The following TSHZ2 variants were observed in gnomAD, a reference collection of about 807,000 sequenced individuals.
TSHZ2 encodes teashirt zinc finger homeobox 2.
Under a neutral mutation model 74.4 loss-of-function variants are expected in TSHZ2, and 21 were observed. The observed-to-expected ratio is 0.28, with a 90% CI of 0.20 to 0.41. The LOEUF is 0.41. TSHZ2 is among the 10% of genes least tolerant of loss of function. The pLI is 1.00. For missense variants in TSHZ2, 1,244 were observed against 1,293.5 expected, an observed-to-expected ratio of 0.96 and a Z score of 0.59; for synonymous variants, 540 against 515.3, an observed-to-expected ratio of 1.05 and a Z score of -0.65.
intron 1 of TSHZ2, among the ~76,000 whole-genome samples, chr20:53,226,815 A>G (rs1175094271): frequency 1.3e-5 from 2 of 152,224 alleles, no homozygotes; most frequent in African/African-American, 4.8e-5. Context: ...GTTGGAGACA[A>G]AAATGACTCC....
At chr20:53,144,322 T>C (rs1250440597) in intron 1 of TSHZ2, among the ~76,000 whole-genome samples, 7 of 152,208 alleles carry the variant, frequency 4.6e-5, no homozygotes, top group South Asian at 2.1e-4. Flanking sequence ...AGGGCTGTTA[T>C]CGTCTTTATT....
chr20:53,215,954 G>C (rs891714382), intron 1 of TSHZ2, among the ~76,000 whole-genome samples: 4 of 152,088 alleles, frequency 2.6e-5, no homozygotes, highest in Non-Finnish European at 5.9e-5. Flanking sequence ...CTTTCTCCTA[G>C]GGTTGAGCTC....
At chr20:53,419,389 GTATGTGTTAATAATAATAA>G (rs1260247077) in intron 2 of TSHZ2, among the ~76,000 whole-genome samples, 1 of 152,168 alleles carries the variant, frequency 6.6e-6, no homozygotes, top group Non-Finnish European at 1.5e-5. Context: ...GAGAGATAAG[GTATGTGTTAATAATAATAA>G]TAATGCCATC....
Position 53,004,959 on chromosome 20 carries a change from T to C in TSHZ2, c.40+31626T>C, listed in dbSNP as rs542830283. On this transcript the variant is annotated intron_variant, in intron 1 of 2. Coordinates refer to ENST00000371497, the MANE Select transcript of TSHZ2 (RefSeq NM_173485.6). ...ACCAAACAGCCAGTAAGTGATATAATAGAATCGTGGGAGTCATCCTGAACT... is the reference window on the plus strand; with the variant it reads ...ACCAAACAGCCAGTAAGTGATATAACAGAATCGTGGGAGTCATCCTGAACT... Among the ~76,000 whole-genome samples, 6 of 152,228 alleles carry C rather than the reference T, an allele frequency of 3.9e-5. No individual in the cohort carries two copies. In the South Asian group the frequency reaches 1.0e-3, roughly 26 times the overall value.
chr20:53,427,286 A>G lies in TSHZ2; in HGVS notation c.*9-59858A>G, dbSNP rs574106657. On this transcript the variant is annotated intron_variant, in intron 2 of 2. Transcript: ENST00000371497. ...TCTGAATGGATATTATGCTAGATGAAGCAGTGAGCTGTGAAATTAACCCTT... is the reference window on the plus strand; with the variant it reads ...TCTGAATGGATATTATGCTAGATGAGGCAGTGAGCTGTGAAATTAACCCTT... 9.8e-4 allele frequency among the ~76,000 whole-genome samples: 150 copies of G among 152,312 alleles called. 1 individual carries two copies. Among genetic ancestry groups the G allele is most frequent in the African/African-American group, 3.5e-3 (147 of 41,568 alleles).
chr20:53,238,892 G>C (rs1478231716), intron 1 of TSHZ2, among the ~76,000 whole-genome samples: 1 of 151,642 alleles, frequency 6.6e-6, no homozygotes, highest in Non-Finnish European at 1.5e-5. Context: ...ACATCAAGGG[G>C]GAAGGGAGGG....
At chr20:53,151,391 G>A (rs1336644537) in intron 1 of TSHZ2, among the ~76,000 whole-genome samples, 1 of 152,210 alleles carries the variant, frequency 6.6e-6, no homozygotes, top group Non-Finnish European at 1.5e-5. Flanking sequence ...GGGAGGGCTA[G>A]TGTCTATATT....
intron 1 of TSHZ2, among the ~76,000 whole-genome samples, chr20:53,001,216 G>GTGTGTGTGTGTGTGTGTATA (rs1555813568): frequency 7.7e-5 from 11 of 142,570 alleles, no homozygotes; most frequent in African/African-American, 2.5e-4. Flanking sequence ...GTGTGTGTGT[G>GTGTGTGTGTGTGTGTGTATA]TGTGTGTGTG....
At chr20:53,072,950 C>T (rs891829175) in intron 1 of TSHZ2, among the ~76,000 whole-genome samples, 22 of 135,226 alleles carry the variant, frequency 1.6e-4, no homozygotes, top group Non-Finnish European at 3.4e-4. Flanking sequence ...TCCATCCCTC[C>T]GTTCCTTCAT....
rs534528226 is a variant in TSHZ2 at position 53,237,277 on chromosome 20, T to C, written c.41-16222T>C. Among the ~76,000 whole-genome samples, 6 of 152,332 alleles carry C rather than the reference T, an allele frequency of 3.9e-5. No homozygotes were observed. In the South Asian group the frequency reaches 1.2e-3, roughly 32 times the overall value. On this transcript the variant is annotated intron_variant, in intron 1 of 2. Transcript: ENST00000371497. Reference sequence around the variant, plus strand: ...GAGGTCTCAAAATCAATGCCTCTAATTGACTTAAACAGAACAGTTTTTTGT... The same window carrying C: ...GAGGTCTCAAAATCAATGCCTCTAACTGACTTAAACAGAACAGTTTTTTGT...
intron 2 of TSHZ2, among the ~76,000 whole-genome samples, chr20:53,475,712 A>C (rs1985971175): frequency 7.1e-6 from 1 of 140,038 alleles, no homozygotes; most frequent in South Asian, 2.4e-4. Flanking sequence ...AAATTAATGA[A>C]TCCAGGAGCT....
chr20:53,019,031 A>G (rs779856711), intron 1 of TSHZ2, among the ~76,000 whole-genome samples: 6 of 152,202 alleles, frequency 3.9e-5, no homozygotes, highest in Non-Finnish European at 8.8e-5. Flanking sequence ...CAAGCTTTCT[A>G]CAAATCTAAA....
At chr20:53,336,575 C>T (rs140894806) in intron 2 of TSHZ2, among the ~76,000 whole-genome samples, 49 of 152,314 alleles carry the variant, frequency 3.2e-4, no homozygotes, top group Admixed American at 3.1e-3. Context: ...TGGGTAAGCA[C>T]AGTGAGGCCA....
At chr20:53,305,992 T>A (rs981293760) in intron 2 of TSHZ2, among the ~76,000 whole-genome samples, 8 of 134,214 alleles carry the variant, frequency 6.0e-5, no homozygotes, top group Non-Finnish European at 1.2e-4. Context: ...AAAAAAAAAA[T>A]ACGTTTGGCT....
chr20:53,352,148 T>A (rs1980666606), intron 2 of TSHZ2, among the ~76,000 whole-genome samples: 1 of 151,418 alleles, frequency 6.6e-6, no homozygotes, highest in South Asian at 2.1e-4. Flanking sequence ...ATAATGCAAG[T>A]GTGGAGCATC....
intron 1 of TSHZ2, among the ~76,000 whole-genome samples, chr20:52,979,746 G>A (rs1321574397): frequency 6.6e-6 from 1 of 152,170 alleles, no homozygotes; most frequent in Non-Finnish European, 1.5e-5. Flanking sequence ...GGATGCTAAA[G>A]TCATGCTAAA....
chr20:53,268,970 A>G (rs1990774533), intron 2 of TSHZ2, among the ~76,000 whole-genome samples: 1 of 152,162 alleles, frequency 6.6e-6, no homozygotes, highest in Non-Finnish European at 1.5e-5. Context: ...CTAAAATTCC[A>G]ACTAATAATA....
Position 53,165,586 on chromosome 20 carries a change from T to G in TSHZ2, c.41-87913T>G, listed in dbSNP as rs188107430. 8.3e-4 allele frequency among the ~76,000 whole-genome samples: 126 copies of G among 152,372 alleles called. 1 individual carries two copies. The highest frequency in any genetic ancestry group is 3.4e-3 in the Middle Eastern group (1 of 294). ...TGCTGACCAACTTCTAATGTGTCAG[T>G]GCTATACTAATGTGGTTAACTGTTT... On this transcript the variant is annotated intron_variant, in intron 1 of 2. Transcript: ENST00000371497.
chr20:53,034,790 A>G (rs1205174892), intron 1 of TSHZ2, among the ~76,000 whole-genome samples: 2 of 152,214 alleles, frequency 1.3e-5, no homozygotes, highest in African/African-American at 4.8e-5. Flanking sequence ...AGAATGGCCC[A>G]TGGTAAAGTC....
Sources: allele counts gnomAD v4.1 joint callset (sites outside exome capture counted in the v4.1 genomes callset), GRCh38; gene constraint gnomAD v4.1.1; transcripts MANE v1.5; gene names NCBI Gene and HGNC (gene_info 2026-07-23, HGNC 2026-07-21).